The following USH2A variants were observed in gnomAD, a reference collection of about 807,000 sequenced individuals.
USH2A encodes Usher syndrome 2A (autosomal recessive, mild).
In USH2A, 443 loss-of-function variants were observed where a neutral mutation model predicts 538.9. That is an observed-to-expected ratio of 0.82 (90% CI 0.76 to 0.89). The LOEUF is 0.89. Ranked by LOEUF, USH2A falls within the 40% of genes least tolerant of loss-of-function variation. The pLI is 0.00. For synonymous variants in USH2A, 2,413 were observed against 2,273.5 expected, an observed-to-expected ratio of 1.06 and a Z score of -1.75; for missense variants, 6,633 against 6,324.8, an observed-to-expected ratio of 1.05 and a Z score of -1.65.
At chr1:216,205,873 CTG>C (rs1308207180) in intron 16 of USH2A, among the ~76,000 whole-genome samples, 1 of 152,054 alleles carries the variant, frequency 6.6e-6, no homozygotes, top group Non-Finnish European at 1.5e-5. Flanking sequence ...TTTAGGGAAA[CTG>C]TATCTAAAAC....
At chr1:215,751,250 A>T (rs1350604350) in intron 58 of USH2A, among the ~76,000 whole-genome samples, 1 of 152,130 alleles carries the variant, frequency 6.6e-6, no homozygotes, top group African/African-American at 2.4e-5. Flanking sequence ...TAAATAAAAA[A>T]ATTTGTATTT....
intron 47 of USH2A, among the ~76,000 whole-genome samples, chr1:215,834,857 CTA>C (rs1460253364): frequency 1.3e-5 from 2 of 151,202 alleles, no homozygotes; most frequent in East Asian, 1.9e-4. Flanking sequence ...TGGATACTCT[CTA>C]TTGTTTTTTC....
chr1:215,824,428 G>T (rs572167013), intron 47 of USH2A, among the ~76,000 whole-genome samples: 68 of 152,094 alleles, frequency 4.5e-4, no homozygotes, highest in Non-Finnish European at 6.9e-4. Flanking sequence ...GTCCAGGTTT[G>T]CCTTGTCTCC....
intron 4 of USH2A, among the ~76,000 whole-genome samples, chr1:216,345,310 T>C (rs1376665583): frequency 2.0e-5 from 3 of 152,022 alleles, no homozygotes; most frequent in Non-Finnish European, 4.4e-5. Flanking sequence ...GTTAGTTTGA[T>C]ATTGGATGCT....
chr1:216,189,466 A>T (rs1469177264), intron 20 of USH2A, among the ~76,000 whole-genome samples: 1 of 151,976 alleles, frequency 6.6e-6, no homozygotes, highest in Non-Finnish European at 1.5e-5. Context: ...AATCAGAAAA[A>T]CACTGATTTG....
chr1:216,038,159 T>C (rs2030082314), intron 32 of USH2A, among the ~76,000 whole-genome samples: 1 of 152,074 alleles, frequency 6.6e-6, no homozygotes, highest in Non-Finnish European at 1.5e-5. Context: ...GTCTTGTTCC[T>C]TGTCCTTTAA....
intron 35 of USH2A, among the ~76,000 whole-genome samples, chr1:215,986,829 A>T (rs1667884309): frequency 6.6e-6 from 1 of 152,208 alleles, no homozygotes; most frequent in Admixed American, 6.5e-5. Context: ...ATATTAATTC[A>T]TTCGACAGCT....
At chr1:216,023,465 A>AAAAAAAAAAAAAAAAAAAAAAAAAAAT (rs1558217261) in intron 32 of USH2A, among the ~76,000 whole-genome samples, 1 of 101,470 alleles carries the variant, frequency 9.9e-6, no homozygotes, top group Admixed American at 9.6e-5. Flanking sequence ...CAGACAAAAA[A>AAAAAAAAAAAAAAAAAAAAAAAAAAAT]AAAAAAAAAA....
chr1:215,869,224 A>T (rs745707347), intron 43 of USH2A, among the ~76,000 whole-genome samples: 1 of 152,222 alleles, frequency 6.6e-6, no homozygotes, highest in Admixed American at 6.5e-5. Context: ...GATAATAAGT[A>T]GGAGGACTGA....
At chr1:216,023,474 A>AAAAAAAAAAAAAAAAAC (rs1668891309) in intron 32 of USH2A, among the ~76,000 whole-genome samples, 1 of 149,464 alleles carries the variant, frequency 6.7e-6, no homozygotes, top group Non-Finnish European at 1.5e-5. Flanking sequence ...AAAAAAAAAA[A>AAAAAAAAAAAAAAAAAC]AAAAAAAATC....
chr1:215,712,819 T>A (rs1214722454), intron 61 of USH2A, among the ~76,000 whole-genome samples: 1 of 145,712 alleles, frequency 6.9e-6, no homozygotes, highest in African/African-American at 2.6e-5. Context: ...TTCTTTCTTT[T>A]ATTTTTTTTT....
chr1:215,912,826 G>GGCCCT (rs1358691521), intron 38 of USH2A, among the ~76,000 whole-genome samples: 1 of 151,830 alleles, frequency 6.6e-6, no homozygotes, highest in African/African-American at 2.4e-5. Flanking sequence ...CCCTCGAGTA[G>GGCCCT]GCCCTGTGTC....
Position 215,743,177 on chromosome 1 carries a change from C to T in USH2A, c.11548G>A (p.Gly3850Arg), listed in dbSNP as rs1660353336. The T allele has an allele frequency of 6.2e-7, 1 of 1,608,682 alleles. No homozygotes were observed. Among genetic ancestry groups the T allele is most frequent in the Admixed American group, 1.7e-5 (1 of 59,664 alleles). The change falls in exon 59 of 72, where the codon GGA becomes AGA. Residue 3850 changes from glycine (G) to arginine (R), a missense_variant and splice_region_variant. Physicochemically the swap from Gly to Arg is moderately radical, Grantham distance 125. Transcript: ENST00000307340. ...GGCCAAGTGTCTGAAAGACTTTCAC[C>T]ATTTTGACATGCTTGTATCCTTATC... ...YEIRIQACQN[G>R]SCGVSSRMFV...
intron 60 of USH2A, among the ~76,000 whole-genome samples, chr1:215,731,804 C>T (rs1309768052): frequency 6.6e-6 from 1 of 152,108 alleles, no homozygotes; most frequent in African/African-American, 2.4e-5. Context: ...TATGAAACTG[C>T]CAACCCCATT....
chr1:216,003,605 C>G (rs558829774), intron 32 of USH2A, among the ~76,000 whole-genome samples: 41 of 152,098 alleles, frequency 2.7e-4, no homozygotes, highest in Middle Eastern at 3.4e-3. Flanking sequence ...AGGGACATGC[C>G]TGACACTCTT....
At chr1:216,152,744 A>G (rs677648) in intron 21 of USH2A, among the ~76,000 whole-genome samples, 95,093 of 152,094 alleles carry the variant, frequency 0.63, 29,877 homozygotes, top group East Asian at 0.79. Context: ...AGGCAGGGAA[A>G]TGCTGGGTAG....
chr1:216,010,879 CG>C lies in USH2A; in HGVS notation c.6326-10318del, dbSNP rs200009319. Among the ~76,000 whole-genome samples the C allele has an allele frequency of 3.6e-3, 534 of 150,416 alleles. 4 individuals are homozygous for C. The highest frequency in any genetic ancestry group is 0.012 in the African/African-American group (508 of 40,924). Reference sequence around the variant, plus strand: ...CTTTGCGTCCTCCTCTTGTATCCCCCGACCTTAACCCACAAGTATAAGATAC... The same window carrying C: ...CTTTGCGTCCTCCTCTTGTATCCCCCACCTTAACCCACAAGTATAAGATAC... On this transcript the variant is annotated intron_variant, in intron 32 of 71. Transcript: ENST00000307340.
chr1:215,973,194 T>C (rs1268893348), intron 35 of USH2A, among the ~76,000 whole-genome samples: 1 of 152,162 alleles, frequency 6.6e-6, no homozygotes, highest in Non-Finnish European at 1.5e-5. Flanking sequence ...AAATCAATAG[T>C]TCCCTTTTCT....
In USH2A at chr1:215,674,645, T is replaced by C. The variant is rs748210778; in HGVS notation, c.13266A>G (p.Val4422=). 6.2e-7 allele frequency: 1 copy of C among 1,614,112 alleles called. No homozygotes were observed. Among genetic ancestry groups the C allele is most frequent in the South Asian group, 1.1e-5 (1 of 91,068 alleles). ...QPYSQYNFSL[V]ACTNGGCTAS... ...CTGTGCAACCTCCATTCGTGCAGGC[T>C]ACAAGGGAGAAGTTATACTGAGAGT... is the stretch of plus-strand genomic sequence containing the variant. The change falls in exon 63 of 72, where the codon GTA becomes GTG. Residue 4422 remains valine (V), a synonymous_variant. Coordinates refer to ENST00000307340, the MANE Select transcript of USH2A (RefSeq NM_206933.4).
Sources: allele counts gnomAD v4.1 joint callset (sites outside exome capture counted in the v4.1 genomes callset), GRCh38; gene constraint gnomAD v4.1.1; transcripts MANE v1.5; gene names NCBI Gene and HGNC (gene_info 2026-07-23, HGNC 2026-07-21).